The following SEMA5A variants were observed in gnomAD, a reference collection of about 807,000 sequenced individuals.
The protein encoded by SEMA5A is semaphorin 5A.
SEMA5A carries 55 observed loss-of-function variants against 135.5 expected under a neutral mutation model. That is an observed-to-expected ratio of 0.41 (90% confidence interval 0.33 to 0.51). The LOEUF (loss-of-function observed/expected upper bound fraction) is 0.51. SEMA5A is among the 20% of genes least tolerant of loss of function. SEMA5A has a pLI of 0.37. For synonymous variants in SEMA5A, 580 were observed against 546.5 expected (o/e 1.06, Z -0.85); for missense variants, 1,290 against 1,419.9 (o/e 0.91, Z 1.47).
chr5:9,278,493 G>A (rs1307428158), intron 5 of SEMA5A, among the ~76,000 whole-genome samples: 1 of 152,238 alleles, frequency 6.6e-6, no homozygotes, highest in Non-Finnish European at 1.5e-5. Context: ...CAAGCCTGCT[G>A]CAGAAATGTG....
At chr5:9,136,771 A>G (rs1175611294) in intron 12 of SEMA5A, 150 bp from the exon 13 acceptor site, 2 of 665,832 alleles carry the variant, frequency 3.0e-6, no homozygotes, top group African/African-American at 3.6e-5. Flanking sequence ...TGGAGAGCAC[A>G]GCTATCTGCA....
intron 21 of SEMA5A, among the ~76,000 whole-genome samples, chr5:9,045,174 T>C (rs1255708555): frequency 1.3e-5 from 2 of 152,164 alleles, no homozygotes; most frequent in Non-Finnish European, 2.9e-5. Flanking sequence ...AGCATGTTTT[T>C]ATTATTATTT....
chr5:9,281,113 T>C (rs1750519780), intron 5 of SEMA5A, among the ~76,000 whole-genome samples: 2 of 152,182 alleles, frequency 1.3e-5, no homozygotes, highest in African/African-American at 4.8e-5. Context: ...CAGAATTTCA[T>C]TTCTAATATT....
At chr5:9,174,313 T>A (rs1453879074) in intron 11 of SEMA5A, among the ~76,000 whole-genome samples, 3 of 152,224 alleles carry the variant, frequency 2.0e-5, no homozygotes, top group African/African-American at 4.8e-5. Flanking sequence ...TATTGACAGT[T>A]GCACCTTACT....
At chr5:9,317,663 G>T (rs1454599124) in intron 5 of SEMA5A, among the ~76,000 whole-genome samples, 3 of 152,146 alleles carry the variant, frequency 2.0e-5, no homozygotes, top group African/African-American at 7.2e-5. Context: ...ATTGGTTGAA[G>T]AACTTTTTCC....
chr5:9,191,154 G>A (rs1245562849), intron 10 of SEMA5A, among the ~76,000 whole-genome samples: 1 of 152,134 alleles, frequency 6.6e-6, no homozygotes, highest in Non-Finnish European at 1.5e-5. Flanking sequence ...GGAAAGGAGA[G>A]GAGTGGGGAG....
intron 2 of SEMA5A, among the ~76,000 whole-genome samples, chr5:9,406,854 G>T (rs1289953582): frequency 6.6e-6 from 1 of 152,168 alleles, no homozygotes; most frequent in Non-Finnish European, 1.5e-5. Flanking sequence ...TTTCAAACAG[G>T]TCTTTCAGTA....
chr5:9,515,724 G>A (rs1013746100), intron 1 of SEMA5A, among the ~76,000 whole-genome samples: 1 of 152,204 alleles, frequency 6.6e-6, no homozygotes, highest in Non-Finnish European at 1.5e-5. Context: ...AGCTCCTTAA[G>A]AGCAACTGAT....
chr5:9,276,185 A>G, intron 5 of SEMA5A, among the ~76,000 whole-genome samples: 1 of 152,350 alleles, frequency 6.6e-6, no homozygotes, highest in East Asian at 1.9e-4. Flanking sequence ...ACAGAGAGCC[A>G]CATCATGAGT....
At chr5:9,094,939 G>A (rs772274571) in intron 16 of SEMA5A, among the ~76,000 whole-genome samples, 17 of 151,860 alleles carry the variant, frequency 1.1e-4, no homozygotes, top group Admixed American at 1.0e-3. Context: ...AGAACCTCAC[G>A]AGATTCTGCA....
intron 3 of SEMA5A, among the ~76,000 whole-genome samples, chr5:9,371,034 G>T (rs2126434896): frequency 1.3e-5 from 2 of 152,146 alleles, no homozygotes; most frequent in South Asian, 4.2e-4. Context: ...TTTTAAATCA[G>T]AATTCTAACA....
intron 8 of SEMA5A, among the ~76,000 whole-genome samples, chr5:9,219,878 A>C (rs1327848056): frequency 1.3e-5 from 2 of 152,240 alleles, no homozygotes; most frequent in African/African-American, 4.8e-5. Flanking sequence ...CTGGAAGTGA[A>C]CATCGCATCT....
At chr5:9,071,586 G>C (rs1032068649) in intron 16 of SEMA5A, among the ~76,000 whole-genome samples, 1 of 152,148 alleles carries the variant, frequency 6.6e-6, no homozygotes, top group South Asian at 2.1e-4. Context: ...AGATAGTTAA[G>C]TGGGACCTCC....
rs533698781 is a variant in SEMA5A at position 9,290,794 on chromosome 5, AG to A, written c.270+27577del. Among the ~76,000 whole-genome samples the A allele has an allele frequency of 3.1e-3, 478 of 152,332 alleles. 4 individuals are homozygous for A. The highest frequency in any genetic ancestry group is 0.011 in the African/African-American group (460 of 41,588). ...AAATATGTTGCCACTAGGTATCCAG[AG>A]ACCCTCCCTATAAAACAGAAAATAA... On this transcript the variant is annotated intron_variant, in intron 5 of 22. Transcript: ENST00000382496.
In SEMA5A at chr5:9,484,224, T is replaced by C. The variant is rs564502232; in HGVS notation, c.-174-46372A>G. On this transcript the variant is annotated intron_variant, in intron 1 of 22. Transcript: ENST00000382496. ...ATTAGGGCAAAGTACGTGCTCTGTG[T>C]TCCTCTGCTAACTGAAACTGAAGGC... 3.3e-5 allele frequency among the ~76,000 whole-genome samples: 5 copies of C among 152,340 alleles called. No homozygotes were observed. In the South Asian group the frequency reaches 1.0e-3, roughly 32 times the overall value.
intron 1 of SEMA5A, among the ~76,000 whole-genome samples, chr5:9,486,655 A>C (rs1260479269): frequency 6.6e-6 from 1 of 152,170 alleles, no homozygotes; most frequent in African/African-American, 2.4e-5. Flanking sequence ...ATAAAAAAAA[A>C]GAAGAAACAG....
intron 1 of SEMA5A, among the ~76,000 whole-genome samples, chr5:9,529,150 C>A (rs1359801467): frequency 6.6e-6 from 1 of 152,244 alleles, no homozygotes; most frequent in Non-Finnish European, 1.5e-5. Context: ...GCTGTCAGCT[C>A]CATCAAGGTC....
At chr5:9,155,393 T>C (rs1742898515) in intron 11 of SEMA5A, among the ~76,000 whole-genome samples, 1 of 151,168 alleles carries the variant, frequency 6.6e-6, no homozygotes, top group African/African-American at 2.5e-5. Flanking sequence ...GCTTGACTGC[T>C]AGCACTGCTG....
At chr5:9,396,246 GCA>G (rs147262677) in intron 2 of SEMA5A, among the ~76,000 whole-genome samples, 11,335 of 148,838 alleles carry the variant, frequency 0.076, 471 homozygotes, top group Middle Eastern at 0.12. Flanking sequence ...GCGCGTGCGT[GCA>G]CACACACACA....
Sources: gnomAD v4.1 joint callset for allele counts (sites outside exome capture counted in the v4.1 genomes callset) on GRCh38, gnomAD v4.1.1 for gene constraint, MANE v1.5 for transcripts, NCBI Gene and HGNC (gene_info 2026-07-23, HGNC 2026-07-21) for gene names.